Variants in FRMD6 observed in about 807,000 individuals in gnomAD.
FRMD6 encodes the protein FERM domain-containing protein 6.
In FRMD6, 37 loss-of-function variants were observed where a neutral mutation model predicts 73.2. The ratio of observed to expected loss-of-function variants is 0.51; its 90% confidence interval spans 0.39 to 0.66. The LOEUF is 0.66. Ranked by LOEUF, FRMD6 falls within the 30% of genes least tolerant of loss-of-function variation. The pLI is 0.00. For synonymous variants in FRMD6, 273 were observed against 282.2 expected, an observed-to-expected ratio of 0.97 and a Z score of 0.33; for missense variants, 714 against 780.5, an observed-to-expected ratio of 0.91 and a Z score of 1.02.
chr14:51,657,331 A>G (rs1393911095), intron 1 of FRMD6, among the ~76,000 whole-genome samples: 3 of 152,232 alleles, frequency 2.0e-5, no homozygotes, highest in Admixed American at 6.5e-5. Context: ...TTGGGCAACT[A>G]GCATCCAAAT....
chr14:51,631,449 AC>A (rs1891333621), intron 2 of FRMD6, among the ~76,000 whole-genome samples: 1 of 152,152 alleles, frequency 6.6e-6, no homozygotes, highest in African/African-American at 2.4e-5. Context: ...AAAAAGTAAT[AC>A]TTTTTATCTT....
chr14:51,429,023 A>AGAGAGAGGGGAGAGAGAGGGTGG, the FRMD6 span, among the ~76,000 whole-genome samples: 4 of 140,644 alleles, frequency 2.8e-5, no homozygotes, highest in Non-Finnish European at 6.2e-5. Flanking sequence ...AGAGGGTGGG[A>AGAGAGAGGGGAGAGAGAGGGTGG]GAGAGAGGGG....
intron 1 of FRMD6, among the ~76,000 whole-genome samples, chr14:51,490,794 T>G (rs1344223073): frequency 6.6e-6 from 1 of 152,160 alleles, no homozygotes; most frequent in Non-Finnish European, 1.5e-5. Context: ...TATAAAAATA[T>G]GTATTGTCTA....
At chr14:51,513,403 A>T (rs1884428558) in intron 1 of FRMD6, among the ~76,000 whole-genome samples, 1 of 152,222 alleles carries the variant, frequency 6.6e-6, no homozygotes, top group Non-Finnish European at 1.5e-5. Flanking sequence ...TCTGAGGAAC[A>T]GATTCCTTTG....
At chr14:51,645,922 A>G (rs558556045) in intron 2 of FRMD6, among the ~76,000 whole-genome samples, 1 of 152,322 alleles carries the variant, frequency 6.6e-6, no homozygotes, top group Admixed American at 6.5e-5. Flanking sequence ...TTCTCAAGAA[A>G]GCCAGCATTG....
chr14:51,434,039 A>T, the FRMD6 span, among the ~76,000 whole-genome samples: 7 of 152,220 alleles, frequency 4.6e-5, no homozygotes, highest in African/African-American at 1.7e-4. Flanking sequence ...ACAAATAAAT[A>T]AAAACATTGT....
intron 11 of FRMD6, among the ~76,000 whole-genome samples, chr14:51,721,465 A>T (rs1897558388): frequency 6.6e-6 from 1 of 152,018 alleles, no homozygotes; most frequent in East Asian, 1.9e-4. Context: ...CAAAAATTGG[A>T]TGGGCGTAGT....
At chr14:51,705,220 C>T (rs1383272176) in intron 6 of FRMD6, among the ~76,000 whole-genome samples, 1 of 152,054 alleles carries the variant, frequency 6.6e-6, no homozygotes, top group Non-Finnish European at 1.5e-5. Context: ...GACCTTCTTG[C>T]CTACTCTTAC....
chr14:51,575,199 C>G (rs76428980), intron 2 of FRMD6, among the ~76,000 whole-genome samples: 2,675 of 152,140 alleles, frequency 0.018, 69 homozygotes, highest in African/African-American at 0.06. Context: ...TTTTAAGATT[C>G]AATTTGTTAT....
chr14:51,708,656 C>T (rs1016520512), intron 7 of FRMD6, among the ~76,000 whole-genome samples: 1 of 152,106 alleles, frequency 6.6e-6, no homozygotes, highest in Non-Finnish European at 1.5e-5. Flanking sequence ...AACATTACCA[C>T]AACAGGTAAT....
At chr14:51,477,698 C>G in the FRMD6 span, among the ~76,000 whole-genome samples, 3 of 149,094 alleles carry the variant, frequency 2.0e-5, no homozygotes, top group South Asian at 6.4e-4. Flanking sequence ...AGCTAGTGTT[C>G]TTTTCTTTTT....
intron 11 of FRMD6, among the ~76,000 whole-genome samples, chr14:51,721,481 G>T (rs140928079): frequency 6.6e-6 from 1 of 152,052 alleles, no homozygotes; most frequent in Non-Finnish European, 1.5e-5. Flanking sequence ...GTAGTGGCGC[G>T]CGTCTTCAGT....
At chr14:51,460,880 A>G in the FRMD6 span, among the ~76,000 whole-genome samples, 1 of 152,192 alleles carries the variant, frequency 6.6e-6, no homozygotes, top group South Asian at 2.1e-4. Context: ...CTGGATATGT[A>G]TATTGTATGT....
At chr14:51,648,071 C>G (rs908862267), upstream of FRMD6, among the ~76,000 whole-genome samples, 2 of 152,140 alleles carry the variant, frequency 1.3e-5, no homozygotes, top group African/African-American at 2.4e-5. Flanking sequence ...GTGATTTGCC[C>G]ACCTCCGTCT....
intron 1 of FRMD6, among the ~76,000 whole-genome samples, chr14:51,540,002 T>C (rs1401835965): frequency 1.3e-5 from 2 of 152,254 alleles, no homozygotes; most frequent in African/African-American, 4.8e-5. Flanking sequence ...CTTTGTGTGC[T>C]GGCTGTCTTA....
At chr14:51,445,431 A>G in the FRMD6 span, among the ~76,000 whole-genome samples, 13 of 151,974 alleles carry the variant, frequency 8.6e-5, no homozygotes, top group East Asian at 2.3e-3. Flanking sequence ...TTCCTAGTCC[A>G]TGAGAAGAAG....
At chr14:51,487,774 A>G (rs185318671), upstream of FRMD6, among the ~76,000 whole-genome samples, 1 of 152,316 alleles carries the variant, frequency 6.6e-6, no homozygotes, top group Admixed American at 6.5e-5. Context: ...ACACATTTCC[A>G]AGAGTGAAGC....
the FRMD6 span, among the ~76,000 whole-genome samples, chr14:51,451,699 G>A: frequency 1.3e-5 from 2 of 152,218 alleles, no homozygotes; most frequent in Non-Finnish European, 2.9e-5. Flanking sequence ...TATTTAGTTC[G>A]CACAAGAGCT....
At chr14:51,715,588 A>T in intron 10 of FRMD6, 89 bp downstream of exon 10, 1 of 1,169,110 alleles carries the variant, frequency 8.6e-7, no homozygotes, top group Non-Finnish European at 1.2e-6. Flanking sequence ...CTCCTACAGA[A>T]TTGGATTTTG....
Sources: allele counts gnomAD v4.1 joint callset (sites outside exome capture counted in the v4.1 genomes callset), GRCh38; gene constraint gnomAD v4.1.1; transcripts MANE v1.5; gene names NCBI Gene and HGNC (gene_info 2026-07-23, HGNC 2026-07-21).